The following NUF2 variants were observed in gnomAD, a reference collection of about 807,000 sequenced individuals.
NUF2 encodes NUF2 component of NDC80 kinetochore complex.
In NUF2, 34 loss-of-function variants were observed where a neutral mutation model predicts 61.8. The ratio of observed to expected loss-of-function variants is 0.55; its 90% CI spans 0.42 to 0.73. NUF2 has a LOEUF of 0.73. Among genes scored for constraint, NUF2 ranks in the 30% least tolerant of loss-of-function variants. The pLI is 0.00. For missense variants in NUF2, 445 were observed against 539.1 expected (o/e 0.83, Z 1.73); for synonymous variants, 172 against 181.6 (o/e 0.95, Z 0.42).
intron 7 of NUF2, 103 bp from the exon 8 acceptor site, chr1:163,339,278 T>C (rs1650861025): frequency 8.6e-6 from 6 of 697,640 alleles, no homozygotes; most frequent in Non-Finnish European, 1.2e-5. Flanking sequence ...TTCAGAAACA[T>C]AAAAGTAGAC....
intron 13 of NUF2, among the ~76,000 whole-genome samples, chr1:163,350,640 T>C (rs1461055098): frequency 6.6e-6 from 1 of 152,220 alleles, no homozygotes; most frequent in South Asian, 2.1e-4. Flanking sequence ...TTTCCATAAA[T>C]ATTTATAAAA....
At chr1:163,322,540 G>A (rs973408659) in intron 1 of NUF2, among the ~76,000 whole-genome samples, 1 of 152,166 alleles carries the variant, frequency 6.6e-6, no homozygotes, top group Non-Finnish European at 1.5e-5. Flanking sequence ...CGCATATATA[G>A]CACTACGCAT....
chr1:163,353,890 C>G (rs1651407291), intron 13 of NUF2, among the ~76,000 whole-genome samples: 2 of 152,020 alleles, frequency 1.3e-5, no homozygotes, highest in African/African-American at 4.8e-5. Context: ...GTTACTTGTT[C>G]TCGGAAGGAA....
Position 163,327,537 on chromosome 1 carries a change from G to C in NUF2, c.173G>C (p.Gly58Ala), listed in dbSNP as rs1650465718. 1.6e-5 allele frequency: 25 copies of C among 1,611,488 alleles called. No homozygotes were observed. Among genetic ancestry groups the C allele is most frequent in the Non-Finnish European group, 2.0e-5 (24 of 1,177,880 alleles). ...ATGAGAGCCTTACAAATAGTATATG[G>C]AATTCGACTGGAACATTTTTACATG... ...IYMRALQIVY[G>A]IRLEHFYMMP... The change falls in exon 3 of 14, where the codon GGA becomes GCA. Residue 58 changes from glycine (G) to alanine (A), a missense_variant. Coordinates refer to ENST00000271452, the MANE Select transcript of NUF2 (RefSeq NM_145697.3).
intron 6 of NUF2, among the ~76,000 whole-genome samples, chr1:163,337,289 A>C (rs1244885340): frequency 6.6e-6 from 1 of 152,118 alleles, no homozygotes; most frequent in Non-Finnish European, 1.5e-5. Flanking sequence ...GATTCAGTCC[A>C]AGGCAATCTC....
At chr1:163,351,969 C>A (rs944390189) in intron 13 of NUF2, among the ~76,000 whole-genome samples, 19 of 152,092 alleles carry the variant, frequency 1.2e-4, no homozygotes, top group Admixed American at 2.6e-4. Flanking sequence ...CTTGTTCTGT[C>A]CACTCACAAC....
intron 11 of NUF2, among the ~76,000 whole-genome samples, chr1:163,347,044 C>T (rs1418415950): frequency 6.6e-6 from 1 of 152,154 alleles, no homozygotes; most frequent in Non-Finnish European, 1.5e-5. Flanking sequence ...ATAAGGGGAA[C>T]TACTGTCATG....
Position 163,336,856 on chromosome 1 carries a change from T to C in NUF2, c.435+8T>C, listed in dbSNP as rs1650776838. The C allele has an allele frequency of 6.4e-7, 1 of 1,552,192 alleles. No homozygotes were observed. The highest frequency in any genetic ancestry group is 8.9e-7 in the Non-Finnish European group (1 of 1,123,854). The stretch of plus-strand genomic sequence containing the variant: ...GAATTTCTTTGGCAATATGTAAGAT[T>C]TAAATATGTTTTGGGGTTACATGCC... On this transcript the variant is annotated splice_region_variant and intron_variant, in intron 6 of 13. Transcript: ENST00000271452.
intron 1 of NUF2, among the ~76,000 whole-genome samples, 188 bp from the exon 2 acceptor site, chr1:163,325,844 C>T (rs1012578127): frequency 6.6e-6 from 1 of 152,074 alleles, no homozygotes. Flanking sequence ...AACTGTGTCA[C>T]CTTAGAATAA....
chr1:163,328,874 A>C lies in NUF2; in HGVS notation c.304A>C (p.Asn102His), dbSNP rs969034956. 3.1e-6 allele frequency: 5 copies of C among 1,608,400 alleles called. No individual in the cohort carries two copies. Among genetic ancestry groups the C allele is most frequent in the East Asian group, 2.2e-5 (1 of 44,738 alleles). The change falls in exon 5 of 14, where the codon AAT becomes CAT. Residue 102 changes from asparagine to histidine, a missense_variant. By Grantham distance (68) the Asn-to-His change is moderately conservative. Transcript: ENST00000271452. ...CTCATTTTTGCCTATCTGCCGGGTGAATGACTTTGAGACTGCTGATATTCT... is the reference window on the plus strand; with the variant it reads ...CTCATTTTTGCCTATCTGCCGGGTGCATGACTTTGAGACTGCTGATATTCT... ...LDSFLPICRVNDFETADILCP... is the reference protein window; with the variant it reads ...LDSFLPICRVHDFETADILCP...
At chr1:163,327,403 C>A in intron 2 of NUF2, 85 bp from the exon 3 acceptor site, 2 of 710,774 alleles carry the variant, frequency 2.8e-6, no homozygotes, top group Non-Finnish European at 4.9e-6. Flanking sequence ...TTGCTTTCAT[C>A]GATTATAATA....
chr1:163,346,935 T>G (rs1369951526), intron 11 of NUF2, among the ~76,000 whole-genome samples: 3 of 152,130 alleles, frequency 2.0e-5, no homozygotes, highest in Admixed American at 1.3e-4. Flanking sequence ...AGCACACAAT[T>G]TAAAACTGAT....
At chr1:163,348,584 A>G (rs899634259) in intron 12 of NUF2, among the ~76,000 whole-genome samples, 6 of 152,156 alleles carry the variant, frequency 3.9e-5, no homozygotes, top group African/African-American at 1.4e-4. Flanking sequence ...ACTGCCTTGT[A>G]GAAAAGTTAA....
At chr1:163,323,859 A>G (rs930289879) in intron 1 of NUF2, among the ~76,000 whole-genome samples, 1 of 152,158 alleles carries the variant, frequency 6.6e-6, no homozygotes, top group African/African-American at 2.4e-5. Flanking sequence ...GACACAGCAG[A>G]TGGTGACCAA....
At chr1:163,327,094 G>A (rs1191596790) in intron 2 of NUF2, among the ~76,000 whole-genome samples, 1 of 66,834 alleles carries the variant, frequency 1.5e-5, no homozygotes, top group African/African-American at 4.7e-5. Context: ...AAGGTTTCCT[G>A]TGTTCACACA....
intron 4 of NUF2, chr1:163,328,551 C>T (rs372764336): frequency 1.6e-5 from 8 of 497,730 alleles, no homozygotes; most frequent in African/African-American, 5.9e-5. Flanking sequence ...AATTGTTTAC[C>T]GTCTTTGTGA....
At chr1:163,349,684 A>G (rs1487683651) in intron 13 of NUF2, among the ~76,000 whole-genome samples, 1 of 152,190 alleles carries the variant, frequency 6.6e-6, no homozygotes, top group Non-Finnish European at 1.5e-5. Context: ...TAACAGAGCC[A>G]CAGTAGACAA....
chr1:163,343,561 T>C (rs1344066353), intron 9 of NUF2, among the ~76,000 whole-genome samples, 172 bp from the exon 10 acceptor site: 1 of 152,174 alleles, frequency 6.6e-6, no homozygotes, highest in African/African-American at 2.4e-5. Context: ...AGGAGCTTGA[T>C]CTTTGGCCTA....
intron 4 of NUF2, 148 bp from the exon 5 acceptor site, chr1:163,328,698 T>C: frequency 1.7e-6 from 1 of 597,428 alleles, no homozygotes; most frequent in Non-Finnish European, 3.0e-6. Flanking sequence ...TATAGGGTTA[T>C]ACATTATAGT....
Sources: gnomAD v4.1 joint callset for allele counts (sites outside exome capture counted in the v4.1 genomes callset) on GRCh38, gnomAD v4.1.1 for gene constraint, MANE v1.5 for transcripts, NCBI Gene and HGNC (gene_info 2026-07-23, HGNC 2026-07-21) for gene names.